Variants in DGKB observed in about 807,000 individuals in gnomAD.
The protein encoded by DGKB is diacylglycerol kinase beta, also known as 90 kDa diacylglycerol kinase.
Under a neutral mutation model 114.3 loss-of-function variants are expected in DGKB, and 67 were observed. That is an observed-to-expected ratio of 0.59 (90% confidence interval 0.48 to 0.72). The LOEUF (loss-of-function observed/expected upper bound fraction) is 0.72, where lower values mean the gene tolerates loss of function less well. Among genes scored for constraint, DGKB ranks in the 30% least tolerant of loss-of-function variants. The pLI is 0.00. For synonymous variants in DGKB, 398 were observed against 323.1 expected (o/e 1.23, Z -2.49); for missense variants, 907 against 975.2 (o/e 0.93, Z 0.93).
At chr7:14,554,110 G>A (rs1795532227) in intron 20 of DGKB, among the ~76,000 whole-genome samples, 2 of 151,890 alleles carry the variant, frequency 1.3e-5, no homozygotes, top group Admixed American at 1.3e-4. Context: ...CTGACCTCGT[G>A]ATCTGCCCAC....
At chr7:14,170,590 A>G (rs558832577) in intron 25 of DGKB, among the ~76,000 whole-genome samples, 1 of 152,304 alleles carries the variant, frequency 6.6e-6, no homozygotes, top group South Asian at 2.1e-4. Flanking sequence ...ACTTAAATTT[A>G]TACAACCTTT....
At chr7:14,356,696 G>A (rs975843179) in intron 21 of DGKB, among the ~76,000 whole-genome samples, 1 of 152,110 alleles carries the variant, frequency 6.6e-6, no homozygotes, top group African/African-American at 2.4e-5. Context: ...ATGTTAGGGT[G>A]TGGATTTTAG....
At chr7:14,704,085 C>A (rs1825699617) in intron 6 of DGKB, among the ~76,000 whole-genome samples, 1 of 151,952 alleles carries the variant, frequency 6.6e-6, no homozygotes, top group South Asian at 2.1e-4. Context: ...TCCAAAGACA[C>A]CCATTATCTT....
intron 21 of DGKB, among the ~76,000 whole-genome samples, chr7:14,430,125 C>T (rs914194200): frequency 2.0e-5 from 3 of 152,032 alleles, no homozygotes; most frequent in Non-Finnish European, 4.4e-5. Flanking sequence ...TTCTCTGTGG[C>T]CCGTTTTGGG....
intron 23 of DGKB, among the ~76,000 whole-genome samples, chr7:14,203,137 G>A (rs1786162282): frequency 1.2e-5 from 1 of 85,622 alleles, no homozygotes; most frequent in Admixed American, 1.4e-4. Flanking sequence ...CTACTTCGGG[G>A]CCAGTATCAA....
intron 13 of DGKB, among the ~76,000 whole-genome samples, chr7:14,631,054 G>C (rs1809586272): frequency 6.6e-6 from 1 of 151,640 alleles, no homozygotes; most frequent in South Asian, 2.1e-4. Context: ...TGGAACGGGA[G>C]AAGAAAAGTT....
At chr7:14,634,287 C>G (rs1341854446) in intron 13 of DGKB, among the ~76,000 whole-genome samples, 2 of 151,340 alleles carry the variant, frequency 1.3e-5, no homozygotes, top group Non-Finnish European at 3.0e-5. Flanking sequence ...CCCAGGAAAA[C>G]AAAGTTAGTG....
intron 1 of DGKB, among the ~76,000 whole-genome samples, chr7:14,912,956 C>T (rs1305055188): frequency 6.6e-6 from 1 of 152,064 alleles, no homozygotes; most frequent in African/African-American, 2.4e-5. Flanking sequence ...AATTATTCTC[C>T]ACCATTTCTT....
At position 14,595,812 on chromosome 7, in the gene DGKB, GATTT is replaced by G. The variant is rs558557201; in HGVS notation, c.1433+11618_1433+11621del. Among the ~76,000 whole-genome samples, 685 of 151,928 alleles carry G rather than the reference GATTT, an allele frequency of 4.5e-3. 5 individuals carry two copies. The highest frequency in any genetic ancestry group is 6.4e-3 in the Non-Finnish European group (436 of 67,910). On this transcript the variant is annotated intron_variant, in intron 17 of 25. Coordinates refer to ENST00000402815, the MANE Select transcript of DGKB (RefSeq NM_001350709.2). ...AGATAATTTTCTTTTCCTCTAGAAT[GATTT>G]ATTAAGATATGTTTAAATTGATGAT...
chr7:14,648,099 G>A (rs1340639221), intron 13 of DGKB, among the ~76,000 whole-genome samples: 1 of 152,212 alleles, frequency 6.6e-6, no homozygotes, highest in Non-Finnish European at 1.5e-5. Flanking sequence ...GGCTTGATTA[G>A]GTAAACAAAG....
intron 23 of DGKB, among the ~76,000 whole-genome samples, chr7:14,208,536 T>C (rs1787212039): frequency 6.6e-6 from 1 of 152,044 alleles, no homozygotes; most frequent in South Asian, 2.1e-4. Flanking sequence ...TCTCCCTCTT[T>C]ATACATCTTC....
chr7:14,775,959 G>A (rs1403634931), intron 2 of DGKB, among the ~76,000 whole-genome samples: 1 of 152,104 alleles, frequency 6.6e-6, no homozygotes, highest in East Asian at 1.9e-4. Flanking sequence ...AGAAGAATGT[G>A]AGAAAGTTTG....
Position 14,580,960 on chromosome 7 carries a change from TAA to T in DGKB, c.1520-11_1520-10del. 8 of 1,533,860 alleles carry T rather than the reference TAA, an allele frequency of 5.2e-6. No individual in the cohort carries two copies. Among genetic ancestry groups the T allele is most frequent in the Non-Finnish European group, 7.1e-6 (8 of 1,131,742 alleles). On this transcript the variant is annotated splice_polypyrimidine_tract_variant and intron_variant, in intron 18 of 25. Coordinates refer to ENST00000402815, the MANE Select transcript of DGKB (RefSeq NM_001350709.2). ...GCCTACATTGGCCTTTTCTGCAGAA[TAA>T]AAAAAAATACAAATAAAGAAAATTT...
chr7:14,655,841 T>C (rs1815673821), intron 13 of DGKB, among the ~76,000 whole-genome samples: 1 of 151,438 alleles, frequency 6.6e-6, no homozygotes, highest in Admixed American at 6.6e-5. Flanking sequence ...GCTCATGAAA[T>C]AAAAGGGTAG....
chr7:14,429,933 CA>C lies in DGKB; in HGVS notation c.1835+48227del, dbSNP rs368322026. The stretch of plus-strand genomic sequence containing the variant: ...CAGAGTGAGACTCTGTCCCCCCCCC[CA>C]AAAAAAAGGCAAAATGTATTTCGGG... On this transcript the variant is annotated intron_variant, in intron 21 of 25. Coordinates refer to ENST00000402815, the MANE Select transcript of DGKB (RefSeq NM_001350709.2). Among the ~76,000 whole-genome samples, 686 of 103,984 alleles carry C rather than the reference CA, an allele frequency of 6.6e-3. 4 individuals carry two copies. Among genetic ancestry groups the C allele is most frequent in the African/African-American group, 0.021 (622 of 29,234 alleles). 68.2% of individuals were successfully genotyped at this position (103,984 alleles called of 152,430 possible). A position where few individuals can be genotyped will look rare whatever the true frequency, so the allele number is the denominator to read the frequency against.
At chr7:14,240,322 G>T (rs1793454098) in intron 23 of DGKB, among the ~76,000 whole-genome samples, 1 of 152,004 alleles carries the variant, frequency 6.6e-6, no homozygotes, top group African/African-American at 2.4e-5. Flanking sequence ...AAAAGTCATA[G>T]AATTTTAAAA....
chr7:14,466,496 G>C (rs1246840878), intron 21 of DGKB, among the ~76,000 whole-genome samples: 1 of 152,182 alleles, frequency 6.6e-6, no homozygotes, highest in Non-Finnish European at 1.5e-5. Context: ...AACAGTTGCA[G>C]CCAGTCAACA....
In DGKB at chr7:14,289,147, T is replaced by C. The variant is rs541140287; in HGVS notation, c.2122+49368A>G. Among the ~76,000 whole-genome samples the C allele has an allele frequency of 5.3e-5, 8 of 152,294 alleles. No individual in the cohort carries two copies. In the East Asian group the frequency reaches 1.5e-3, roughly 29 times the overall value. ...ATAGATTTGAAGGCAATTGATCGACTTAATATTAAACTCAATATTTAGTGT... is the reference window on the plus strand; with the variant it reads ...ATAGATTTGAAGGCAATTGATCGACCTAATATTAAACTCAATATTTAGTGT... On this transcript the variant is annotated intron_variant, in intron 23 of 25. Transcript: ENST00000402815.
At chr7:14,757,786 A>G in intron 2 of DGKB, 55 bp from the exon 3 acceptor site, 1 of 924,724 alleles carries the variant, frequency 1.1e-6, no homozygotes, top group Non-Finnish European at 1.7e-6. Context: ...GTGGTTGTGT[A>G]GCCCAGTCCA....
Sources: gnomAD v4.1 joint callset for allele counts (sites outside exome capture counted in the v4.1 genomes callset) on GRCh38, gnomAD v4.1.1 for gene constraint, MANE v1.5 for transcripts, NCBI Gene and HGNC (gene_info 2026-07-23, HGNC 2026-07-21) for gene names.